The following ROBO1 variants were observed in gnomAD, a reference collection of about 807,000 sequenced individuals.
The protein encoded by ROBO1 is roundabout homolog 1.
In ROBO1, 149 loss-of-function variants were observed where a neutral mutation model predicts 195.9. The observed-to-expected ratio is 0.76, with a 90% CI of 0.67 to 0.87. The LOEUF (loss-of-function observed/expected upper bound fraction) is 0.87. ROBO1 is among the 40% of genes least tolerant of loss of function. The pLI is 0.00. For missense variants in ROBO1, 1,933 were observed against 2,068.3 expected (o/e 0.93, Z 1.27); for synonymous variants, 816 against 733.2 (o/e 1.11, Z -1.82).
chr3:78,992,117 TCTA>T (rs1441825095), intron 3 of ROBO1, among the ~76,000 whole-genome samples: 1 of 152,164 alleles, frequency 6.6e-6, no homozygotes, highest in African/African-American at 2.4e-5. Flanking sequence ...GATAATAATT[TCTA>T]CTAATAAGTG....
intron 2 of ROBO1, among the ~76,000 whole-genome samples, chr3:79,474,204 T>G: frequency 6.6e-6 from 1 of 152,084 alleles, no homozygotes; most frequent in Non-Finnish European, 1.5e-5. Context: ...ATTCCTCAAG[T>G]GTGTACAAAT....
chr3:78,653,064 TA>T (rs1452519158), intron 18 of ROBO1, among the ~76,000 whole-genome samples: 4 of 152,228 alleles, frequency 2.6e-5, no homozygotes, highest in African/African-American at 9.6e-5. Context: ...GGTGCTTTCT[TA>T]CAATTATTAA....
Position 79,645,715 on chromosome 3 carries a change from C to A in ROBO1, c.-50-55754G>T, listed in dbSNP as rs143841623. Among the ~76,000 whole-genome samples the A allele has an allele frequency of 1.8e-3, 269 of 152,076 alleles. 1 individual carries two copies. The highest frequency in any genetic ancestry group is 6.1e-3 in the African/African-American group (254 of 41,498). ...CTGGAGGCTTCACATTACCTGACTC[C>A]AAAATATGCCACAAAGTTACAGCAA... On this transcript the variant is annotated intron_variant, in intron 1 of 30. Transcript: ENST00000464233.
At chr3:79,355,991 T>C (rs1029108713) in intron 2 of ROBO1, among the ~76,000 whole-genome samples, 9 of 152,202 alleles carry the variant, frequency 5.9e-5, no homozygotes, top group Admixed American at 1.3e-4. Flanking sequence ...AAGTAGTTCA[T>C]TTTTACGCTT....
chr3:78,688,618 TAA>T (rs57364605), intron 9 of ROBO1, 28 bp downstream of exon 9: 135 of 1,196,120 alleles, frequency 1.1e-4, no homozygotes, highest in Admixed American at 7.4e-4. Context: ...TTTGCTGATT[TAA>T]AAAAAAAAAG....
At chr3:78,826,593 A>T (rs561876395) in intron 4 of ROBO1, among the ~76,000 whole-genome samples, 6 of 152,274 alleles carry the variant, frequency 3.9e-5, no homozygotes, top group African/African-American at 1.4e-4. Flanking sequence ...AAGAGTTGAA[A>T]TTGACCATGG....
At chr3:79,191,384 C>T (rs535432352) in intron 2 of ROBO1, among the ~76,000 whole-genome samples, 1 of 151,464 alleles carries the variant, frequency 6.6e-6, no homozygotes, top group East Asian at 1.9e-4. Context: ...TCAGACAATA[C>T]ATACAAGTGA....
chr3:79,762,836 C>T (rs1301550150), intron 1 of ROBO1, among the ~76,000 whole-genome samples: 2 of 152,018 alleles, frequency 1.3e-5, no homozygotes, highest in Non-Finnish European at 2.9e-5. Flanking sequence ...AATGGCTGAT[C>T]CCAGGAAGTG....
intron 2 of ROBO1, among the ~76,000 whole-genome samples, chr3:79,547,158 C>A (rs1327513829): frequency 8.6e-6 from 1 of 116,260 alleles, no homozygotes; most frequent in African/African-American, 3.4e-5. Context: ...GCACTCCAGC[C>A]TGGCAGACAG....
intron 2 of ROBO1, among the ~76,000 whole-genome samples, chr3:79,274,831 G>T (rs138164139): frequency 1.3e-5 from 2 of 152,032 alleles, no homozygotes; most frequent in Non-Finnish European, 2.9e-5. Flanking sequence ...AAATCCGAAC[G>T]ATCATTAGAG....
At chr3:79,448,001 A>C (rs2039321340) in intron 2 of ROBO1, among the ~76,000 whole-genome samples, 1 of 152,232 alleles carries the variant, frequency 6.6e-6, no homozygotes, top group African/African-American at 2.4e-5. Flanking sequence ...CTAAGAAATA[A>C]TGTTTACTGA....
intron 4 of ROBO1, among the ~76,000 whole-genome samples, chr3:78,836,887 C>T (rs902909729): frequency 2.6e-5 from 4 of 152,036 alleles, no homozygotes; most frequent in African/African-American, 7.2e-5. Context: ...AAAGGGGAAG[C>T]ACAGAAAACA....
intron 4 of ROBO1, among the ~76,000 whole-genome samples, chr3:78,873,766 T>G (rs2035678924): frequency 6.6e-6 from 1 of 152,132 alleles, no homozygotes. Flanking sequence ...ATTTTCTGTG[T>G]TCATCTGTTT....
intron 28 of ROBO1, 136 bp downstream of exon 28, chr3:78,614,512 T>C (rs1163254095): frequency 1.7e-5 from 16 of 940,346 alleles, no homozygotes; most frequent in Non-Finnish European, 2.4e-5. Context: ...AGGTCGCTTC[T>C]ATAAGTAATA....
intron 1 of ROBO1, among the ~76,000 whole-genome samples, chr3:79,730,543 A>G (rs896534856): frequency 6.6e-5 from 10 of 152,178 alleles, no homozygotes; most frequent in Admixed American, 6.5e-4. Flanking sequence ...AATAAAAAAA[A>G]TTTAACCCAA....
chr3:79,019,194 A>G, intron 3 of ROBO1: 3 of 986,568 alleles, frequency 3.0e-6, no homozygotes, highest in Non-Finnish European at 3.6e-6. Context: ...GGCGCCCAAC[A>G]TCGCCCTCGG....
At chr3:78,685,980 T>C (rs2081042072) in intron 9 of ROBO1, 63 bp from the exon 10 acceptor site, 3 of 1,356,904 alleles carry the variant, frequency 2.2e-6, no homozygotes, top group Non-Finnish European at 3.0e-6. Context: ...TTCCAATATT[T>C]TGGCACTTAT....
At chr3:79,681,092 A>C (rs952283278) in intron 1 of ROBO1, among the ~76,000 whole-genome samples, 1 of 152,038 alleles carries the variant, frequency 6.6e-6, no homozygotes, top group East Asian at 1.9e-4. Flanking sequence ...GTAGTTTAGA[A>C]GAGATTAACA....
intron 2 of ROBO1, among the ~76,000 whole-genome samples, chr3:79,312,360 C>T (rs1235765432): frequency 6.6e-6 from 1 of 152,124 alleles, no homozygotes; most frequent in Non-Finnish European, 1.5e-5. Context: ...GAATTCCCAC[C>T]AAGGATTATG....
Sources: gnomAD v4.1 joint callset for allele counts (sites outside exome capture counted in the v4.1 genomes callset) on GRCh38, gnomAD v4.1.1 for gene constraint, MANE v1.5 for transcripts, NCBI Gene and HGNC (gene_info 2026-07-23, HGNC 2026-07-21) for gene names.